The following SPRY3 variants were observed in gnomAD, a reference collection of about 807,000 sequenced individuals.
The protein encoded by SPRY3 is sprouty RTK signaling antagonist 3, also known as protein sprouty homolog 3.
SPRY3 carries 15 observed loss-of-function variants against 20.2 expected under a neutral mutation model. The observed-to-expected ratio is 0.74, with a 90% CI of 0.50 to 1.14. SPRY3 has a LOEUF of 1.14. Among genes scored for constraint, SPRY3 ranks in the 50% most tolerant of loss-of-function variants. SPRY3 has a pLI of 0.00. For synonymous variants in SPRY3, 143 were observed against 136.5 expected, an observed-to-expected ratio of 1.05 and a Z score of -0.33; for missense variants, 364 against 363.9, an observed-to-expected ratio of 1.00 and a Z score of 0.00.
chrX:155,724,335 G>A (rs1173457482), intron 2 of SPRY3, among the ~76,000 whole-genome samples: 1 of 152,132 alleles, frequency 6.6e-6, no homozygotes, highest in Non-Finnish European at 1.5e-5. Flanking sequence ...GTCATTGGTA[G>A]CTCGATGGGG....
At chrX:155,758,993 G>C (rs2091293874) in intron 2 of SPRY3, among the ~76,000 whole-genome samples, 1 of 151,744 alleles carries the variant, frequency 6.6e-6, no homozygotes, top group African/African-American at 2.4e-5. Context: ...TCTTAGAATG[G>C]TTTAGAAACA....
chrX:155,744,699 A>G (rs1226753851), intron 2 of SPRY3, among the ~76,000 whole-genome samples: 1 of 152,086 alleles, frequency 6.6e-6, no homozygotes, highest in Non-Finnish European at 1.5e-5. Context: ...GCCTCGCACA[A>G]CCATTGCTCA....
At chrX:155,718,313 A>C (rs1164017572) in intron 2 of SPRY3, among the ~76,000 whole-genome samples, 1 of 152,196 alleles carries the variant, frequency 6.6e-6, no homozygotes, top group Non-Finnish European at 1.5e-5. Context: ...TGACAAAAAA[A>C]GATTGTGTTC....
intron 2 of SPRY3, chrX:155,669,622 AG>A (rs1389374955): frequency 8.9e-6 from 1 of 111,767 alleles, no homozygotes; most frequent in African/African-American, 3.2e-5. Flanking sequence ...ATGAGCAAGT[AG>A]GGCATGTTCA....
At chrX:155,705,999 A>G (rs1410426122) in intron 2 of SPRY3, among the ~76,000 whole-genome samples, 1 of 151,334 alleles carries the variant, frequency 6.6e-6, no homozygotes. Flanking sequence ...GAAGATCTGA[A>G]CAGCACTAAC....
intron 2 of SPRY3, among the ~76,000 whole-genome samples, chrX:155,749,827 G>C (rs2091251490): frequency 6.6e-6 from 1 of 151,834 alleles, no homozygotes; most frequent in Non-Finnish European, 1.5e-5. Context: ...TTTTGGACAT[G>C]TTAACTAGGA....
intron 2 of SPRY3, among the ~76,000 whole-genome samples, chrX:155,723,410 G>T (rs1406121110): frequency 6.6e-6 from 1 of 152,120 alleles, no homozygotes. Context: ...CAGTATAAAA[G>T]CATTCCTATT....
In SPRY3 at chrX:155,661,154, T is replaced by C. The variant is rs781853510; in HGVS notation, c.-282+4129T>C. Among the ~76,000 whole-genome samples, 10 of 112,472 alleles carry C rather than the reference T, an allele frequency of 8.9e-5. No homozygotes were observed. In the East Asian group the frequency reaches 2.8e-3, roughly 31 times the overall value. ...GTTTTATACTTTTTGTGTGTTCTTA[T>C]GATGGTGGATATCATTCTTTTGTTT... On this transcript the variant is annotated intron_variant, in intron 2 of 3. Transcript: ENST00000675360.
intron 2 of SPRY3, among the ~76,000 whole-genome samples, chrX:155,747,191 A>G (rs1057136046): frequency 6.6e-6 from 1 of 151,930 alleles, no homozygotes; most frequent in Non-Finnish European, 1.5e-5. Flanking sequence ...TCTGCTTTGG[A>G]AGGGGCCCTA....
At chrX:155,730,925 A>T (rs1442972229) in intron 2 of SPRY3, among the ~76,000 whole-genome samples, 1 of 152,098 alleles carries the variant, frequency 6.6e-6, no homozygotes, top group Non-Finnish European at 1.5e-5. Flanking sequence ...AGCTACAAGT[A>T]AAATCAAATA....
intron 2 of SPRY3, among the ~76,000 whole-genome samples, chrX:155,708,330 A>AAT (rs2090964639): frequency 1.3e-5 from 2 of 151,404 alleles, no homozygotes; most frequent in African/African-American, 2.4e-5. Context: ...CAGCACTTTG[A>AAT]ATATATAATC....
At chrX:155,721,998 C>A (rs1166747231) in intron 2 of SPRY3, among the ~76,000 whole-genome samples, 2 of 151,712 alleles carry the variant, frequency 1.3e-5, no homozygotes, top group African/African-American at 4.9e-5. Flanking sequence ...ACAATAACTA[C>A]AACAACTCTT....
chrX:155,646,774 T>G (rs1345505596), intron 1 of SPRY3, among the ~76,000 whole-genome samples: 1 of 111,208 alleles, frequency 9.0e-6, no homozygotes, highest in Non-Finnish European at 1.9e-5. Flanking sequence ...TCTTTTTATT[T>G]CCTTTAATTC....
intron 2 of SPRY3, among the ~76,000 whole-genome samples, chrX:155,730,615 C>G (rs2124563430): frequency 6.6e-6 from 1 of 152,006 alleles, no homozygotes; most frequent in African/African-American, 2.4e-5. Flanking sequence ...GACAAGGATG[C>G]TTTTTTTCAC....
At chrX:155,729,897 C>A (rs934884190) in intron 2 of SPRY3, among the ~76,000 whole-genome samples, 50 of 151,924 alleles carry the variant, frequency 3.3e-4, no homozygotes, top group Non-Finnish European at 6.6e-4. Context: ...CACAAAAATT[C>A]AAAGGATTAA....
At chrX:155,657,999 C>T (rs1437514804) in intron 2 of SPRY3, among the ~76,000 whole-genome samples, 1 of 112,017 alleles carries the variant, frequency 8.9e-6, no homozygotes, top group African/African-American at 3.2e-5. Flanking sequence ...AAATCACCTG[C>T]CTTCTGCATT....
intron 2 of SPRY3, among the ~76,000 whole-genome samples, chrX:155,737,643 G>A (rs1418269402): frequency 3.3e-5 from 5 of 152,174 alleles, no homozygotes; most frequent in Non-Finnish European, 7.4e-5. Flanking sequence ...AGACCTGGAT[G>A]TGATAGTTAG....
chrX:155,692,216 T>A (rs2124575081), intron 2 of SPRY3, among the ~76,000 whole-genome samples: 1 of 111,257 alleles, frequency 9.0e-6, no homozygotes, highest in African/African-American at 3.3e-5. Flanking sequence ...TGGTTGATTT[T>A]GAGTTAAATT....
At chrX:155,664,825 A>T (rs1236805012) in intron 2 of SPRY3, among the ~76,000 whole-genome samples, 1 of 109,731 alleles carries the variant, frequency 9.1e-6, no homozygotes, top group African/African-American at 3.3e-5. Context: ...GAAAGTAAGA[A>T]AAAAGAGAAC....
Sources: allele counts gnomAD v4.1 joint callset (sites outside exome capture counted in the v4.1 genomes callset), GRCh38; gene constraint gnomAD v4.1.1; transcripts MANE v1.5; gene names NCBI Gene and HGNC (gene_info 2026-07-23, HGNC 2026-07-21).